FSTL5: variants seen among roughly 807,000 people sequenced by gnomAD.
The protein encoded by FSTL5 is follistatin-related protein 5.
A neutral mutation model predicts 89.1 loss-of-function variants in FSTL5; 62 were observed. The observed-to-expected ratio is 0.70, with a 90% confidence interval of 0.57 to 0.86. The LOEUF (loss-of-function observed/expected upper bound fraction) is 0.86. FSTL5 is among the 40% of genes least tolerant of loss of function. The pLI is 0.00. For missense variants in FSTL5, 1,057 were observed against 1,001.6 expected (o/e 1.06, Z -0.75); for synonymous variants, 383 against 346.2 (o/e 1.11, Z -1.18).
Position 161,749,354 on chromosome 4 carries a change from T to C in FSTL5, c.727+10057A>G, listed in dbSNP as rs567183486. Among the ~76,000 whole-genome samples, 5 of 152,252 alleles carry C rather than the reference T, an allele frequency of 3.3e-5. No homozygotes were observed. The East Asian group carries it at 7.7e-4, about 24-fold the overall frequency. On this transcript the variant is annotated intron_variant, in intron 6 of 15. Coordinates refer to ENST00000306100, the MANE Select transcript of FSTL5 (RefSeq NM_020116.5). Reference sequence around the variant, plus strand: ...CCGTGAAATACTATGCAGTATTTCATAAAAATGAATGAAATCAAGTCCTCT... The same window carrying C: ...CCGTGAAATACTATGCAGTATTTCACAAAAATGAATGAAATCAAGTCCTCT...
chr4:161,436,094 CA>C (rs143608610), intron 15 of FSTL5, among the ~76,000 whole-genome samples: 7,210 of 151,964 alleles, frequency 0.047, 430 homozygotes, highest in East Asian at 0.19. Context: ...GAGAACCAAG[CA>C]AAAGATACTT....
At chr4:161,509,615 C>G (rs2126498765) in intron 11 of FSTL5, among the ~76,000 whole-genome samples, 1 of 152,152 alleles carries the variant, frequency 6.6e-6, no homozygotes, top group African/African-American at 2.4e-5. Flanking sequence ...GACTTGGGTT[C>G]CTACAGGAAG....
intron 7 of FSTL5, among the ~76,000 whole-genome samples, chr4:161,588,918 T>G (rs1354975858): frequency 1.3e-5 from 2 of 151,934 alleles, no homozygotes; most frequent in Non-Finnish European, 2.9e-5. Context: ...CTCGAGAACA[T>G]ACATTTTCAT....
chr4:162,063,900 T>C (rs1047871468), intron 2 of FSTL5, among the ~76,000 whole-genome samples: 1 of 152,010 alleles, frequency 6.6e-6, no homozygotes, highest in South Asian at 2.1e-4. Context: ...TTCTCTCCTG[T>C]AGTAATTCTA....
chr4:161,899,145 G>A lies in FSTL5; in HGVS notation c.409+21259C>T, dbSNP rs140439973. On this transcript the variant is annotated intron_variant, in intron 4 of 15. Transcript: ENST00000306100. Reference sequence around the variant, plus strand: ...GGAATAGGAATGGACATGCTACCCAGCTGTATCAACCATGGGATTCTAATC... The same window carrying A: ...GGAATAGGAATGGACATGCTACCCAACTGTATCAACCATGGGATTCTAATC... Among the ~76,000 whole-genome samples the A allele has an allele frequency of 2.6e-3, 403 of 152,272 alleles. 5 individuals are homozygous for A. Among genetic ancestry groups the A allele is most frequent in the African/African-American group, 9.3e-3 (388 of 41,562 alleles).
At chr4:161,441,461 C>T (rs1334975973) in intron 15 of FSTL5, among the ~76,000 whole-genome samples, 1 of 151,876 alleles carries the variant, frequency 6.6e-6, no homozygotes, top group East Asian at 1.9e-4. Context: ...GTTGAGATTC[C>T]AACTTACAAA....
At chr4:161,940,319 C>G (rs1734543842) in intron 3 of FSTL5, among the ~76,000 whole-genome samples, 1 of 151,648 alleles carries the variant, frequency 6.6e-6, no homozygotes, top group Non-Finnish European at 1.5e-5. Context: ...AATACGCTAT[C>G]TGCATAACAG....
intron 15 of FSTL5, among the ~76,000 whole-genome samples, chr4:161,407,763 A>G (rs1731436498): frequency 6.6e-6 from 1 of 152,194 alleles, no homozygotes; most frequent in Admixed American, 6.5e-5. Context: ...CCTACCCTAC[A>G]GCCCTCCCTG....
chr4:161,628,626 G>A (rs189755428), intron 7 of FSTL5, among the ~76,000 whole-genome samples: 2 of 152,272 alleles, frequency 1.3e-5, no homozygotes, highest in East Asian at 3.9e-4. Flanking sequence ...ACGTTAGCCC[G>A]TTAAGTGTAA....
chr4:161,688,204 T>TCTG (rs1737808746), intron 6 of FSTL5, among the ~76,000 whole-genome samples: 1 of 152,312 alleles, frequency 6.6e-6, no homozygotes, highest in African/African-American at 2.4e-5. Flanking sequence ...CACCTCAGCC[T>TCTG]CTGCGGTAGC....
chr4:162,136,518 G>A (rs1046551987), intron 1 of FSTL5, among the ~76,000 whole-genome samples: 1 of 151,976 alleles, frequency 6.6e-6, no homozygotes, highest in African/African-American at 2.4e-5. Flanking sequence ...TGGGGACTTG[G>A]TTGGAGAATT....
intron 3 of FSTL5, among the ~76,000 whole-genome samples, chr4:162,003,223 G>A (rs1436915248): frequency 6.6e-6 from 1 of 151,728 alleles, no homozygotes; most frequent in East Asian, 1.9e-4. Flanking sequence ...TTTCTGACTA[G>A]AATAATAATG....
intron 2 of FSTL5, among the ~76,000 whole-genome samples, chr4:162,082,189 T>A (rs552450979): frequency 7.5e-4 from 114 of 151,790 alleles, no homozygotes; most frequent in African/African-American, 2.6e-3. Context: ...ATCCCTTTTA[T>A]AGTAGTTGGA....
chr4:161,769,445 C>G (rs1308743940), intron 5 of FSTL5, among the ~76,000 whole-genome samples: 1 of 151,944 alleles, frequency 6.6e-6, no homozygotes, highest in Non-Finnish European at 1.5e-5. Flanking sequence ...CAGCAAAATA[C>G]TGGCACACTG....
intron 6 of FSTL5, among the ~76,000 whole-genome samples, chr4:161,745,695 T>A (rs1480896532): frequency 3.3e-5 from 5 of 151,938 alleles, no homozygotes; most frequent in Non-Finnish European, 7.4e-5. Context: ...ATTGTAGCAA[T>A]AAGATAAATT....
chr4:161,587,658 CA>C (rs1578947767), intron 7 of FSTL5, 83 bp from the exon 8 acceptor site: 3 of 1,015,394 alleles, frequency 3.0e-6, no homozygotes, highest in East Asian at 5.1e-5. Context: ...TATTCAGGTA[CA>C]AAACAAATAG....
chr4:161,672,878 T>TAAA (rs1560782145), intron 6 of FSTL5, among the ~76,000 whole-genome samples: 1 of 152,034 alleles, frequency 6.6e-6, no homozygotes, highest in Non-Finnish European at 1.5e-5. Flanking sequence ...ATGAATAGAC[T>TAAA]TTTAATTACT....
intron 7 of FSTL5, among the ~76,000 whole-genome samples, chr4:161,655,385 T>C (rs149305881): frequency 9.9e-4 from 151 of 152,186 alleles, no homozygotes; most frequent in African/African-American, 3.5e-3. Flanking sequence ...ATAGTCCCTA[T>C]TGGTCCAGTG....
rs542365832 is a variant in FSTL5, at chr4:161,497,589, T to C, written c.1458+2427A>G. 4.0e-5 allele frequency among the ~76,000 whole-genome samples: 6 copies of C among 151,758 alleles called. No homozygotes were observed. In the South Asian group the frequency reaches 1.3e-3, roughly 32 times the overall value. On this transcript the variant is annotated intron_variant, in intron 12 of 15. Transcript: ENST00000306100. Reference sequence around the variant, plus strand: ...TTTTAATCCTTTTATTACTCTTCCATAAGAGTACAGAAACCTTTATAAACT... The same window carrying C: ...TTTTAATCCTTTTATTACTCTTCCACAAGAGTACAGAAACCTTTATAAACT...
Sources: gnomAD v4.1 joint callset for allele counts (sites outside exome capture counted in the v4.1 genomes callset) on GRCh38, gnomAD v4.1.1 for gene constraint, MANE v1.5 for transcripts, NCBI Gene and HGNC (gene_info 2026-07-23, HGNC 2026-07-21) for gene names.